The following ZIM2 variants were observed in gnomAD, a reference collection of about 807,000 sequenced individuals.
The protein encoded by ZIM2 is zinc finger protein 656.
Under a neutral mutation model 38.6 loss-of-function variants are expected in ZIM2, and 14 were observed. That is an observed-to-expected ratio of 0.36 (90% CI 0.24 to 0.57). The LOEUF is 0.57. Ranked by LOEUF, ZIM2 falls within the 20% of genes least tolerant of loss-of-function variation. The pLI, the probability that ZIM2 is intolerant of heterozygous loss-of-function variation, is 0.81. For synonymous variants in ZIM2, 247 were observed against 245.8 expected, an observed-to-expected ratio of 1.00 and a Z score of -0.04; for missense variants, 680 against 695.1, an observed-to-expected ratio of 0.98 and a Z score of 0.24.
chr19:56,824,596 C>G, intron 3 of ZIM2, 169 bp from the exon 4 acceptor site: 1 of 1,613,806 alleles, frequency 6.2e-7, no homozygotes, highest in Non-Finnish European at 8.5e-7. Context: ...CTAGCTCATA[C>G]AGATTTGGGG....
At chr19:56,821,293 G>A (rs547314273) in intron 7 of ZIM2, among the ~76,000 whole-genome samples, 1 of 152,278 alleles carries the variant, frequency 6.6e-6, no homozygotes, top group South Asian at 2.1e-4. Context: ...GTGCTCCCTG[G>A]CCAGTCTACT....
chr19:56,802,106 G>A (rs1438831911), intron 9 of ZIM2, among the ~76,000 whole-genome samples: 1 of 152,168 alleles, frequency 6.6e-6, no homozygotes, highest in African/African-American at 2.4e-5. Flanking sequence ...AAGAGGGCAG[G>A]TTCCACCAGG....
chr19:56,821,341 C>G (rs1350355972), intron 7 of ZIM2, among the ~76,000 whole-genome samples: 1 of 152,166 alleles, frequency 6.6e-6, no homozygotes, highest in Non-Finnish European at 1.5e-5. Flanking sequence ...CTCCTGAGGA[C>G]CAGAAACATC....
intron 6 of ZIM2, chr19:56,822,431 C>T (rs1264424093): frequency 1.0e-5 from 3 of 294,908 alleles, no homozygotes; most frequent in Admixed American, 4.7e-5. Context: ...TCGCCTTCTG[C>T]CTATGGCACT....
chr19:56,800,796 A>G (rs1166742130), intron 9 of ZIM2, among the ~76,000 whole-genome samples: 1 of 151,014 alleles, frequency 6.6e-6, no homozygotes, highest in African/African-American at 2.5e-5. Flanking sequence ...GTGTAAGTTC[A>G]TGATCAAGTC....
chr19:56,809,833 A>G (rs1309831566), intron 9 of ZIM2, among the ~76,000 whole-genome samples: 1 of 152,248 alleles, frequency 6.6e-6, no homozygotes, highest in Non-Finnish European at 1.5e-5. Flanking sequence ...TGCGGTCATT[A>G]TCAACTTTAA....
In ZIM2 at chr19:56,836,828, C is replaced by T. The variant is rs371408594; in HGVS notation, c.-313-724G>A. On this transcript the variant is annotated intron_variant, in intron 1 of 12. Transcript: ENST00000629319. ...TACTAAAAATATAAAATTAGATGGG[C>T]ATGGTGGCGCGCGCCTGTATTCCCA... Among the ~76,000 whole-genome samples, 8 of 152,138 alleles carry T rather than the reference C, an allele frequency of 5.3e-5. No homozygotes were observed. In the East Asian group the frequency reaches 1.4e-3, roughly 26 times the overall value.
At chr19:56,836,854 G>C (rs1366198922) in intron 1 of ZIM2, among the ~76,000 whole-genome samples, 1 of 151,872 alleles carries the variant, frequency 6.6e-6, no homozygotes, top group African/African-American at 2.4e-5. Flanking sequence ...TGTATTCCCA[G>C]CTACTCTGAA....
intron 9 of ZIM2, among the ~76,000 whole-genome samples, chr19:56,806,397 T>C (rs568461625): frequency 2.2e-4 from 33 of 152,210 alleles, no homozygotes; most frequent in Admixed American, 1.4e-3. Flanking sequence ...CCTACCATTA[T>C]TTCTACATTC....
intron 9 of ZIM2, chr19:56,816,321 A>G (rs1364785450): frequency 1.2e-6 from 2 of 1,614,196 alleles, no homozygotes; most frequent in East Asian, 2.2e-5. Flanking sequence ...TCTTTCGAGA[A>G]TGAATTTTCT....
chr19:56,815,360 G>A (rs1391571872), intron 9 of ZIM2: 1 of 1,614,202 alleles, frequency 6.2e-7, no homozygotes, highest in Non-Finnish European at 8.5e-7. Flanking sequence ...TTCCGCGCTT[G>A]CTCTTTAGCA....
chr19:56,792,120 TAC>T (rs1426440357), intron 9 of ZIM2, among the ~76,000 whole-genome samples: 2 of 151,418 alleles, frequency 1.3e-5, no homozygotes, highest in African/African-American at 4.9e-5. Flanking sequence ...ACAAAGCTGA[TAC>T]ACTCAGAGAA....
chr19:56,812,139 A>C (rs982671332), intron 9 of ZIM2: 2 of 966,558 alleles, frequency 2.1e-6, no homozygotes, highest in African/African-American at 3.5e-5. Flanking sequence ...TTTAAATTTT[A>C]TATTTTTTTT....
chr19:56,790,318 G>C lies in ZIM2; in HGVS notation c.491-367C>G, dbSNP rs186156582. Among the ~76,000 whole-genome samples, 65 of 152,306 alleles carry C rather than the reference G, an allele frequency of 4.3e-4. No homozygotes were observed. In the South Asian group the frequency reaches 8.5e-3, roughly 20 times the overall value. On this transcript the variant is annotated intron_variant, in intron 9 of 12. Coordinates refer to ENST00000629319, the MANE Select transcript of ZIM2 (RefSeq NM_001387356.1). Reference sequence around the variant, plus strand: ...TATACAGTAGTCCCCACTTATCTGAGGTTTTGTTTTCTGCAGTTTCAGTTA... The same window carrying C: ...TATACAGTAGTCCCCACTTATCTGACGTTTTGTTTTCTGCAGTTTCAGTTA...
intron 12 of ZIM2, among the ~76,000 whole-genome samples, 190 bp downstream of exon 12, chr19:56,779,187 C>T (rs888584218): frequency 1.3e-5 from 2 of 151,960 alleles, no homozygotes; most frequent in Admixed American, 6.6e-5. Context: ...CACTGGCCTC[C>T]CTGGAGCTAA....
Position 56,816,102 on chromosome 19 carries a change from A to G in ZIM2, c.490+1644T>C, listed in dbSNP as rs772884732. On this transcript the variant is annotated intron_variant, in intron 9 of 12. Transcript: ENST00000629319. Reference sequence around the variant, plus strand: ...TCTGAGCTTCCACAGAGGCTAAGCTATGAATAACAGACCTCTCATATGATT... The same window carrying G: ...TCTGAGCTTCCACAGAGGCTAAGCTGTGAATAACAGACCTCTCATATGATT... The G allele has an allele frequency of 3.7e-6, 6 of 1,611,108 alleles. No individual in the cohort carries two copies. The African/African-American group carries it at 5.3e-5, about 14-fold the overall frequency.
chr19:56,801,266 A>C (rs1398182072), intron 9 of ZIM2, among the ~76,000 whole-genome samples: 1 of 152,040 alleles, frequency 6.6e-6, no homozygotes, highest in African/African-American at 2.4e-5. Context: ...TATTAATGAG[A>C]TTGTAAGAGG....
At chr19:56,803,106 A>C (rs1188302718) in intron 9 of ZIM2, among the ~76,000 whole-genome samples, 2 of 151,886 alleles carry the variant, frequency 1.3e-5, no homozygotes, top group Non-Finnish European at 2.9e-5. Context: ...AACTGTCTGG[A>C]CTCCCCACCA....
chr19:56,821,861 G>C (rs911078224), intron 6 of ZIM2, 107 bp from the exon 7 acceptor site: 1 of 1,199,858 alleles, frequency 8.3e-7, no homozygotes, highest in South Asian at 1.3e-5. Context: ...GTGTATGAGA[G>C]CAAGTGCCTT....
Sources: gnomAD v4.1 joint callset for allele counts (sites outside exome capture counted in the v4.1 genomes callset) on GRCh38, gnomAD v4.1.1 for gene constraint, MANE v1.5 for transcripts, NCBI Gene and HGNC (gene_info 2026-07-23, HGNC 2026-07-21) for gene names.